The following GTPBP1 variants were observed in gnomAD, a reference collection of about 807,000 sequenced individuals.
GTPBP1 encodes GTP binding protein 1.
Under a neutral mutation model 62.0 loss-of-function variants are expected in GTPBP1, and 23 were observed. The observed-to-expected ratio is 0.37, with a 90% CI of 0.27 to 0.53. GTPBP1 has a LOEUF of 0.53. GTPBP1 is among the 20% of genes least tolerant of loss of function. The probability of loss-of-function intolerance (pLI) is 0.89; values close to 1 mark genes in which losing one functional copy is unlikely to be tolerated. For synonymous variants in GTPBP1, 344 were observed against 364.4 expected (o/e 0.94, Z 0.64); for missense variants, 640 against 917.3 (o/e 0.70, Z 3.90).
downstream of GTPBP1, chr22:38,742,755 A>T: frequency 1.6e-6 from 1 of 628,394 alleles, no homozygotes; most frequent in Non-Finnish European, 2.7e-6. Context: ...GCCAGGGATC[A>T]CTGGGTGCCG....
At chr22:38,741,423 G>C, downstream of GTPBP1, 1 of 1,480,298 alleles carries the variant, frequency 6.8e-7, no homozygotes, top group Non-Finnish European at 9.4e-7. Flanking sequence ...AAGGGCCGAG[G>C]GGTCCGAGGT....
downstream of GTPBP1, chr22:38,738,684 G>T: frequency 6.2e-7 from 1 of 1,613,860 alleles, no homozygotes; most frequent in South Asian, 1.1e-5. The surrounding 1 kb of genome is among the most constrained non-coding windows in gnomAD (Gnocchi z 6.6). Context: ...GCGGATGCGG[G>T]CAGAGAGGCG....
At position 38,727,315 on chromosome 22, in the gene GTPBP1, C is replaced by T; in HGVS notation, c.1504C>T (p.Pro502Ser). 1 of 1,593,116 alleles carries T rather than the reference C, an allele frequency of 6.3e-7. No individual in the cohort carries two copies. The highest frequency in any genetic ancestry group is 8.6e-7 in the Non-Finnish European group (1 of 1,169,430). Residue 502 changes from proline (P) to serine (S), a missense_variant, in exon 9 of 12, where the codon CCC (proline) becomes TCC (serine). Transcript: ENST00000216044. The surrounding 1 kb of genome is among the most constrained non-coding windows in gnomAD (Gnocchi z 6.5). ...FEAEILVLHH[P>S]TTISPRYQAM... The stretch of plus-strand genomic sequence containing the variant: ...GGCCGAGATTCTCGTCCTCCACCAC[C>T]CCACCACAATTAGCCCGCGCTACCA...
At chr22:38,736,587 G>T, downstream of GTPBP1, 1 of 435,098 alleles carries the variant, frequency 2.3e-6, no homozygotes, top group Non-Finnish European at 4.1e-6. Context: ...GCCACCTGTA[G>T]CACACTTCAT....
chr22:38,741,068 A>G (rs1350850319), downstream of GTPBP1: 3 of 1,590,260 alleles, frequency 1.9e-6, no homozygotes, highest in Non-Finnish European at 2.6e-6. Context: ...GGAAGAAGGG[A>G]CAAATACAAG....
Position 38,724,045 on chromosome 22 carries a change from C to T in GTPBP1, c.959-252C>T, listed in dbSNP as rs544746426. On this transcript the variant is annotated intron_variant, in intron 5 of 11. Transcript: ENST00000216044. ...GCTTACAGGAGGCAGGTCGTCTAGA[C>T]ACAAGAGAAATCTGCCAGGTTTCAG... Among the ~76,000 whole-genome samples, 4 of 152,254 alleles carry T rather than the reference C, an allele frequency of 2.6e-5. No homozygotes were observed. The East Asian group carries it at 5.8e-4, about 22-fold the overall frequency.
chr22:38,706,234 C>T, intron 1 of GTPBP1, 87 bp downstream of exon 1: 1 of 890,788 alleles, frequency 1.1e-6, no homozygotes, highest in Non-Finnish European at 1.5e-6. Context: ...CAGCGGCCGC[C>T]CTGTCCGCGG....
chr22:38,741,045 G>T, downstream of GTPBP1: 3 of 1,596,946 alleles, frequency 1.9e-6, no homozygotes, highest in East Asian at 2.3e-5. Context: ...TGCGAGCCTC[G>T]GACTCCTGTG....
intron 5 of GTPBP1, among the ~76,000 whole-genome samples, chr22:38,722,307 A>T (rs1022971221): frequency 2.6e-5 from 4 of 152,248 alleles, no homozygotes; most frequent in African/African-American, 9.6e-5. Context: ...TTGACTGCTG[A>T]TAACAATTGA....
downstream of GTPBP1, chr22:38,737,799 G>A (rs559909097): frequency 2.3e-6 from 1 of 437,588 alleles, no homozygotes; most frequent in Middle Eastern, 7.5e-4. The surrounding 1 kb of genome is among the most constrained non-coding windows in gnomAD (Gnocchi z 4.1). Flanking sequence ...AGTTTAAGCC[G>A]CATGCACTGC....
intron 5 of GTPBP1, chr22:38,723,463 G>A (rs1454128940): frequency 2.9e-6 from 3 of 1,029,468 alleles, no homozygotes; most frequent in Non-Finnish European, 4.4e-6. Flanking sequence ...TCACATGTCG[G>A]GCAGCCGATG....
chr22:38,729,847 A>G (rs144964644), intron 11 of GTPBP1, among the ~76,000 whole-genome samples, 185 bp downstream of exon 11: 2 of 152,318 alleles, frequency 1.3e-5, no homozygotes, highest in African/African-American at 4.8e-5. Context: ...GTGCTTCCAA[A>G]TCAGGGAATA....
At position 38,722,630 on chromosome 22, in the gene GTPBP1, A is replaced by G. The variant is rs578034524; in HGVS notation, c.958+765A>G. On this transcript the variant is annotated intron_variant, in intron 5 of 11. Coordinates refer to ENST00000216044, the MANE Select transcript of GTPBP1 (RefSeq NM_004286.5). The stretch of plus-strand genomic sequence containing the variant: ...CATTTAGAGTAATATTTATGAGTAC[A>G]AGCATAATTGGTTCCTTGCCTTCTA... 30 of 1,371,500 alleles carry G rather than the reference A, an allele frequency of 2.2e-5. No individual in the cohort carries two copies. In the African/African-American group the frequency reaches 3.1e-4, roughly 14 times the overall value. The allele number at this position is 1,371,500 out of a possible 1,614,324, so 85.0% of individuals were successfully genotyped here. A position where few individuals can be genotyped will look rare whatever the true frequency, so the allele number is the denominator to read the frequency against.
In GTPBP1 at chr22:38,727,171, G is replaced by A. The variant is rs1215407960; in HGVS notation, c.1402-42G>A. 2 of 1,520,280 alleles carry A rather than the reference G, an allele frequency of 1.3e-6. No individual in the cohort carries two copies. Among genetic ancestry groups the A allele is most frequent in the African/African-American group, 1.4e-5 (1 of 70,780 alleles). 94.2% of individuals were successfully genotyped at this position (1,520,280 alleles called of 1,614,324 possible). A position where few individuals can be genotyped will look rare whatever the true frequency, so the allele number is the denominator to read the frequency against. ...CTGGGACCAGGGGTGAAACCAGAAGGCATAATTGTCCCTGAGGGCTGGGGC... is the reference window on the plus strand; with the variant it reads ...CTGGGACCAGGGGTGAAACCAGAAGACATAATTGTCCCTGAGGGCTGGGGC... On this transcript the variant is annotated intron_variant, in intron 8 of 11. Transcript: ENST00000216044. The surrounding 1 kb of genome is among the most constrained non-coding windows in gnomAD (Gnocchi z 6.5).
chr22:38,733,812 A>G (rs2092777829), downstream of GTPBP1, among the ~76,000 whole-genome samples: 1 of 152,200 alleles, frequency 6.6e-6, no homozygotes, highest in South Asian at 2.1e-4. Context: ...TGGAGCCGGC[A>G]GTGTGAGGGC....
intron 2 of GTPBP1, 97 bp from the exon 3 acceptor site, chr22:38,715,810 G>C (rs897270494): frequency 1.1e-6 from 1 of 930,880 alleles, no homozygotes; most frequent in Non-Finnish European, 1.7e-6. Context: ...GGGTCGGGGG[G>C]TGGTGGCCTT....
At chr22:38,729,223 G>A in intron 10 of GTPBP1, 1 of 407,692 alleles carries the variant, frequency 2.5e-6, no homozygotes, top group Non-Finnish European at 4.4e-6. Flanking sequence ...GCTGGGCAGA[G>A]GCAGGAAGTG....
In GTPBP1 at chr22:38,726,758, T is replaced by C. The variant is rs1448047094; in HGVS notation, c.1401+318T>C. ...GCAAGGATCCTTCTACATAGGACCATTGGGATCTGCGCCACATCCTCTTCC... is the reference window on the plus strand; with the variant it reads ...GCAAGGATCCTTCTACATAGGACCACTGGGATCTGCGCCACATCCTCTTCC... On this transcript the variant is annotated intron_variant, in intron 8 of 11. Transcript: ENST00000216044. The surrounding 1 kb of genome is among the most constrained non-coding windows in gnomAD (Gnocchi z 4.1). Among the ~76,000 whole-genome samples the C allele has an allele frequency of 6.6e-6, 1 of 152,138 alleles. No individual in the cohort carries two copies. The highest frequency in any genetic ancestry group is 1.5e-5 in the Non-Finnish European group (1 of 67,998).
In GTPBP1 at chr22:38,729,588, G is replaced by C; in HGVS notation, c.1843G>C (p.Ala615Pro). 6.3e-7 allele frequency: 1 copy of C among 1,579,602 alleles called. No homozygotes were observed. ...CCCGTCTGGTGGGCCAGCAGTAGGA[G>C]CACCCCCACCTGGAGATGAAGCCTC... is the stretch of plus-strand genomic sequence containing the variant. ...GGPSGGPAVG[A>P]PPPGDEASSV... Residue 615 changes from alanine (A) to proline (P), a missense_variant, in exon 11 of 12, where the codon GCA (alanine) becomes CCA (proline). Physicochemically the swap from Ala to Pro is conservative, Grantham distance 27. This residue lies in a region of GTPBP1 where 117 missense variants were observed against 107.1 expected (regional missense o/e 1.09). Coordinates refer to ENST00000216044, the MANE Select transcript of GTPBP1 (RefSeq NM_004286.5).
Sources: allele counts gnomAD v4.1 joint callset (sites outside exome capture counted in the v4.1 genomes callset), GRCh38; gene constraint gnomAD v4.1.1; regional missense constraint gnomAD v4.1.1; non-coding constraint Gnocchi (gnomAD v3.1); transcripts MANE v1.5; gene names NCBI Gene and HGNC (gene_info 2026-07-23, HGNC 2026-07-21).